The following CMIP variants were observed in gnomAD, a reference collection of about 807,000 sequenced individuals.
CMIP encodes the protein C-Maf-inducing protein.
Under a neutral mutation model 97.3 loss-of-function variants are expected in CMIP, and 13 were observed. That is an observed-to-expected ratio of 0.13 (90% CI 0.09 to 0.21). The LOEUF (loss-of-function observed/expected upper bound fraction) is 0.21. Ranked by LOEUF, CMIP falls within the 10% of genes least tolerant of loss-of-function variation. The pLI, the probability that CMIP is intolerant of heterozygous loss-of-function variation, is 1.00. For synonymous variants in CMIP, 538 were observed against 436.3 expected (o/e 1.23, Z -2.91); for missense variants, 847 against 1,024.9 (o/e 0.83, Z 2.37).
At chr16:81,516,485 C>T (rs186075339) in intron 1 of CMIP, among the ~76,000 whole-genome samples, 2 of 152,346 alleles carry the variant, frequency 1.3e-5, no homozygotes, top group Admixed American at 1.3e-4. Flanking sequence ...CCTCCCCACT[C>T]CCTTCCCTGG....
intron 1 of CMIP, among the ~76,000 whole-genome samples, chr16:81,465,504 A>G (rs1907149907): frequency 6.6e-6 from 1 of 152,204 alleles, no homozygotes; most frequent in Non-Finnish European, 1.5e-5. Flanking sequence ...TACGTTTGTT[A>G]CCAGTCCCTA....
rs1324162677 is a variant in CMIP at position 81,566,683 on chromosome 16, A to G, written c.301-40884A>G. On this transcript the variant is annotated intron_variant, in intron 1 of 20. Transcript: ENST00000537098. ...CCAAGAGAACTGAGTGCTTCTGTCTACTAACAGACATAAACAAGAATATTC... is the reference window on the plus strand; with the variant it reads ...CCAAGAGAACTGAGTGCTTCTGTCTGCTAACAGACATAAACAAGAATATTC... Among the ~76,000 whole-genome samples, 5 of 152,312 alleles carry G rather than the reference A, an allele frequency of 3.3e-5. No individual in the cohort carries two copies. In the South Asian group the frequency reaches 1.0e-3, roughly 32 times the overall value.
chr16:81,583,556 C>T (rs978787817), intron 1 of CMIP, among the ~76,000 whole-genome samples: 2 of 152,188 alleles, frequency 1.3e-5, no homozygotes, highest in Admixed American at 6.5e-5. Context: ...GAGTTTCTCA[C>T]GGCCGGGTCA....
At chr16:81,476,491 A>C in intron 1 of CMIP, 2 of 730,618 alleles carry the variant, frequency 2.7e-6, no homozygotes, top group Non-Finnish European at 5.0e-6. Context: ...GTTGACAGCG[A>C]TGTCAGAGAA....
At position 81,445,220 on chromosome 16, in the gene CMIP, A is replaced by G. The variant is rs1304206463; in HGVS notation, c.-22A>G. 2 of 913,134 alleles carry G rather than the reference A, an allele frequency of 2.2e-6. No homozygotes were observed. Among genetic ancestry groups the G allele is most frequent in the Non-Finnish European group, 3.0e-6 (2 of 657,822 alleles). The allele number at this position is 913,134 out of a possible 1,614,324, so 56.6% of individuals were successfully genotyped here. ...AGGACAGCCCCCTCTCCCCGCCCCC[A>G]GCCCCCTCCCCCGGCGCGGCCATGG... On this transcript the variant is annotated 5_prime_UTR_variant, in exon 1 of 21. Coordinates refer to ENST00000537098, the MANE Select transcript of CMIP (RefSeq NM_198390.3).
At chr16:81,676,022 G>A (rs903129749) in intron 9 of CMIP, among the ~76,000 whole-genome samples, 12 of 152,222 alleles carry the variant, frequency 7.9e-5, no homozygotes, top group African/African-American at 2.9e-4. Context: ...GAAGGGACGT[G>A]ATGGGATTTC....
intron 3 of CMIP, among the ~76,000 whole-genome samples, chr16:81,623,447 C>G (rs2092019249): frequency 6.6e-6 from 1 of 152,208 alleles, no homozygotes; most frequent in Non-Finnish European, 1.5e-5. Flanking sequence ...GCCCACTTGC[C>G]AGGTGATCAA....
chr16:81,607,846 C>T (rs891181274), intron 2 of CMIP, among the ~76,000 whole-genome samples, 154 bp downstream of exon 2: 1 of 152,216 alleles, frequency 6.6e-6, no homozygotes, highest in Non-Finnish European at 1.5e-5. Context: ...AGCTGTAAAC[C>T]AGGTCTGACT....
chr16:81,656,185 A>G (rs539724629), intron 4 of CMIP, among the ~76,000 whole-genome samples: 3 of 152,306 alleles, frequency 2.0e-5, no homozygotes, highest in African/African-American at 7.2e-5. Context: ...GTTCATTCAG[A>G]TGCTGACCTG....
At chr16:81,679,390 T>C (rs1904635995) in intron 10 of CMIP, among the ~76,000 whole-genome samples, 1 of 152,054 alleles carries the variant, frequency 6.6e-6, no homozygotes, top group Non-Finnish European at 1.5e-5. Flanking sequence ...AGAGAGCATG[T>C]GTGTTTCTCT....
At chr16:81,561,811 G>A (rs1407657616) in intron 1 of CMIP, among the ~76,000 whole-genome samples, 3 of 152,218 alleles carry the variant, frequency 2.0e-5, no homozygotes, top group African/African-American at 7.2e-5. Context: ...TGAAAATTCA[G>A]TTCCTCAGTT....
intron 1 of CMIP, chr16:81,606,927 G>A (rs1272736129): frequency 6.5e-6 from 1 of 154,908 alleles, no homozygotes; most frequent in African/African-American, 2.4e-5. Flanking sequence ...GGAGCCGGCT[G>A]AGTTTGAGGC....
intron 3 of CMIP, among the ~76,000 whole-genome samples, chr16:81,640,902 G>A (rs143479884): frequency 6.6e-6 from 1 of 152,238 alleles, no homozygotes; most frequent in Non-Finnish European, 1.5e-5. Flanking sequence ...CATAGTCACA[G>A]ATACCGGGCT....
intron 1 of CMIP, among the ~76,000 whole-genome samples, chr16:81,541,202 G>C (rs190624119): frequency 6.6e-6 from 1 of 152,016 alleles, no homozygotes; most frequent in African/African-American, 2.4e-5. Context: ...ATCCTTCTAG[G>C]GTTTTTTCCT....
rs919542726 is a variant in CMIP, at chr16:81,614,525, T to C, written c.427-6351T>C. ...CCAGCAAGTCTGGGTGTGTGTGTGG[T>C]ATATGCATTGGTTTCCCCAGTGGAA... On this transcript the variant is annotated intron_variant, in intron 2 of 20. Transcript: ENST00000537098. This position sits in a 1 kb window ranked among gnomAD's most constrained non-coding sequence, Gnocchi z 5.3. 2.6e-5 allele frequency among the ~76,000 whole-genome samples: 4 copies of C among 152,096 alleles called. No homozygotes were observed. The highest frequency in any genetic ancestry group is 1.3e-4 in the Admixed American group (2 of 15,280).
chr16:81,618,901 G>C (rs1475453124), intron 2 of CMIP: 1 of 152,206 alleles, frequency 6.6e-6, no homozygotes, highest in East Asian at 1.9e-4. Flanking sequence ...AGCTCTCCCC[G>C]AGCAGGGTGT....
At chr16:81,521,469 A>G (rs2090026264) in intron 1 of CMIP, among the ~76,000 whole-genome samples, 1 of 152,072 alleles carries the variant, frequency 6.6e-6, no homozygotes, top group African/African-American at 2.4e-5. Flanking sequence ...CCTCCCTGAA[A>G]TGCCACTGCA....
intron 1 of CMIP, among the ~76,000 whole-genome samples, chr16:81,486,738 C>T (rs1006646135): frequency 1.2e-4 from 19 of 152,262 alleles, no homozygotes; most frequent in African/African-American, 4.3e-4. Flanking sequence ...TCCAGCTGTG[C>T]CTGGTGGCCG....
chr16:81,669,661 C>T (rs1334890282), intron 7 of CMIP, among the ~76,000 whole-genome samples: 1 of 109,202 alleles, frequency 9.2e-6, no homozygotes, highest in Non-Finnish European at 1.9e-5. Context: ...ACCTTCCACA[C>T]CCACCTCACA....
Sources: gnomAD v4.1 joint callset for allele counts (sites outside exome capture counted in the v4.1 genomes callset) on GRCh38, gnomAD v4.1.1 for gene constraint, Gnocchi (gnomAD v3.1) non-coding constraint, MANE v1.5 for transcripts, NCBI Gene and HGNC (gene_info 2026-07-23, HGNC 2026-07-21) for gene names.